The following RAD51B variants were observed in gnomAD, a reference collection of about 807,000 sequenced individuals.
RAD51B encodes the protein DNA repair protein RAD51 homolog 2.
In RAD51B, 38 loss-of-function variants were observed where a neutral mutation model predicts 42.2. That is an observed-to-expected ratio of 0.90 (90% CI 0.70 to 1.18). The LOEUF (loss-of-function observed/expected upper bound fraction) is 1.18. Among genes scored for constraint, RAD51B ranks in the 50% most tolerant of loss-of-function variants. The probability of loss-of-function intolerance (pLI) is 0.00; values close to 1 mark genes in which losing one functional copy is unlikely to be tolerated. For missense variants in RAD51B, 373 were observed against 400.7 expected, an observed-to-expected ratio of 0.93 and a Z score of 0.59; for synonymous variants, 154 against 145.2, an observed-to-expected ratio of 1.06 and a Z score of -0.43.
At chr14:68,648,032 T>TAC (rs1892601236) in intron 10 of RAD51B, among the ~76,000 whole-genome samples, 1 of 107,674 alleles carries the variant, frequency 9.3e-6, no homozygotes, top group African/African-American at 3.6e-5. Context: ...CGTATATATA[T>TAC]ATATACACAC....
intron 9 of RAD51B, among the ~76,000 whole-genome samples, chr14:68,464,044 AT>A (rs2085913670): frequency 6.6e-6 from 1 of 152,228 alleles, no homozygotes; most frequent in Non-Finnish European, 1.5e-5. Flanking sequence ...ATAATGAATC[AT>A]TGGTGCTCTG....
intron 7 of RAD51B, among the ~76,000 whole-genome samples, chr14:68,066,216 G>A (rs780069711): frequency 1.4e-4 from 21 of 151,958 alleles, no homozygotes; most frequent in Non-Finnish European, 2.6e-4. Context: ...AATTAAATAA[G>A]GCAGGATAAT....
At chr14:68,166,652 AATTC>A (rs1255617764) in intron 7 of RAD51B, among the ~76,000 whole-genome samples, 2 of 152,162 alleles carry the variant, frequency 1.3e-5, no homozygotes, top group Non-Finnish European at 2.9e-5. Flanking sequence ...AGTGCTGTTG[AATTC>A]ATCATTCCCA....
At chr14:67,833,742 C>T (rs2041135591) in intron 3 of RAD51B, among the ~76,000 whole-genome samples, 3 of 152,188 alleles carry the variant, frequency 2.0e-5, no homozygotes, top group Admixed American at 2.0e-4. Flanking sequence ...CCAGGGGTAA[C>T]TGAAACATGG....
chr14:68,386,293 C>G (rs1215098220), intron 8 of RAD51B, among the ~76,000 whole-genome samples: 2 of 152,148 alleles, frequency 1.3e-5, no homozygotes, highest in African/African-American at 4.8e-5. Flanking sequence ...CCTGCTTACC[C>G]CTCTCAACCA....
At chr14:68,211,163 G>T (rs982072079) in intron 7 of RAD51B, among the ~76,000 whole-genome samples, 3 of 152,134 alleles carry the variant, frequency 2.0e-5, no homozygotes, top group Non-Finnish European at 4.4e-5. Flanking sequence ...TCCTAGGTAG[G>T]CATGTCTAAA....
At position 67,885,956 on chromosome 14, in the gene RAD51B, T is replaced by A. The variant is rs776750514; in HGVS notation, c.540T>A (p.Tyr180Ter). The A allele has an allele frequency of 2.5e-6, 4 of 1,607,134 alleles. No individual in the cohort carries two copies. In the South Asian group the frequency reaches 4.4e-5, roughly 18 times the overall value. ...TGACAAGTAGTAAAGTTCATCTTTA[T>A]CGGGAACTCACCTGTGATGAAGTTC... is the stretch of plus-strand genomic sequence containing the variant. ...LLLTSSKVHLYRELTCDEVLQ... is the reference protein window; with the variant it reads ...LLLTSSKVHL The change falls in exon 6 of 11, where the codon TAT becomes TAA. Residue 180 changes from tyrosine (Y) to a stop codon, truncating the protein, a stop_gained. Transcript: ENST00000471583. LOFTEE classifies it high-confidence loss of function.
intron 7 of RAD51B, among the ~76,000 whole-genome samples, chr14:68,030,558 G>A (rs2076025791): frequency 6.6e-6 from 1 of 152,160 alleles, no homozygotes; most frequent in African/African-American, 2.4e-5. Flanking sequence ...AGACAGTTAT[G>A]GACTTGCTCT....
At chr14:68,254,314 T>TG (rs926808804) in intron 7 of RAD51B, among the ~76,000 whole-genome samples, 1 of 152,216 alleles carries the variant, frequency 6.6e-6, no homozygotes, top group Non-Finnish European at 1.5e-5. Flanking sequence ...GGGAGGTTCT[T>TG]GTCCTAGTTA....
rs147937442 is a variant in RAD51B at position 68,565,098 on chromosome 14, T to TACAC, written c.1037-29376_1037-29373dup. On this transcript the variant is annotated intron_variant, in intron 10 of 10. Transcript: ENST00000487270. The surrounding 1 kb of genome is among the most constrained non-coding windows in gnomAD (Gnocchi z 4.1). ...GACAGGAAAAATACACACACACACA[T>TACAC]ACACACACACACACCCCACATGCAC... 6.6e-6 allele frequency among the ~76,000 whole-genome samples: 1 copy of TACAC among 151,576 alleles called. No individual in the cohort carries two copies. The highest frequency in any genetic ancestry group is 1.9e-4 in the East Asian group (1 of 5,176).
chr14:68,468,955 A>T (rs2086053722), intron 10 of RAD51B: 5 of 283,008 alleles, frequency 1.8e-5, no homozygotes, highest in South Asian at 1.7e-4. Flanking sequence ...GTCTTTCCAG[A>T]AAGCAATTAA....
At chr14:67,923,527 G>A (rs969207675) in intron 7 of RAD51B, among the ~76,000 whole-genome samples, 12 of 151,996 alleles carry the variant, frequency 7.9e-5, no homozygotes, top group Admixed American at 5.2e-4. Flanking sequence ...TTGAACTCCC[G>A]ACCTCAGGTG....
chr14:68,330,547 C>T (rs1305316760), intron 8 of RAD51B, among the ~76,000 whole-genome samples: 1 of 152,072 alleles, frequency 6.6e-6, no homozygotes, highest in Non-Finnish European at 1.5e-5. Context: ...AGTGTGGAAC[C>T]ACTTGCTGTA....
intron 7 of RAD51B, among the ~76,000 whole-genome samples, chr14:68,210,584 A>C (rs1332465617): frequency 6.6e-6 from 1 of 152,186 alleles, no homozygotes; most frequent in Admixed American, 6.5e-5. Flanking sequence ...TGAATTCTGC[A>C]TGAGCTCTAG....
At chr14:68,633,249 G>A (rs1026925388) in intron 10 of RAD51B, among the ~76,000 whole-genome samples, 115 of 152,096 alleles carry the variant, frequency 7.6e-4, no homozygotes, top group Non-Finnish European at 3.5e-4. Context: ...GCTGTGCCCA[G>A]AGTCCACTTG....
intron 8 of RAD51B, among the ~76,000 whole-genome samples, chr14:68,359,210 G>A (rs544549967): frequency 1.4e-4 from 22 of 152,000 alleles, no homozygotes; most frequent in Middle Eastern, 3.2e-3. Context: ...AGACCTGTCC[G>A]AGGGTGGGGA....
chr14:68,022,987 CT>C (rs1168064285), intron 7 of RAD51B, among the ~76,000 whole-genome samples: 1 of 152,142 alleles, frequency 6.6e-6, no homozygotes, highest in Non-Finnish European at 1.5e-5. Context: ...TGATCTCATT[CT>C]TTTTTATGGC....
intron 7 of RAD51B, among the ~76,000 whole-genome samples, chr14:68,276,865 T>C (rs1026951127): frequency 7.3e-5 from 11 of 151,554 alleles, no homozygotes; most frequent in Non-Finnish European, 1.3e-4. Flanking sequence ...CAGTGGTGGA[T>C]GGCACAGGGA....
intron 11 of RAD51B, among the ~76,000 whole-genome samples, chr14:68,659,881 A>T (rs1234330825): frequency 6.6e-6 from 1 of 152,238 alleles, no homozygotes; most frequent in African/African-American, 2.4e-5. Flanking sequence ...AGAGATGCTG[A>T]CACCTGCAAT....
Sources: gnomAD v4.1 joint callset for allele counts (sites outside exome capture counted in the v4.1 genomes callset) on GRCh38, gnomAD v4.1.1 for gene constraint, Gnocchi (gnomAD v3.1) non-coding constraint, MANE v1.5 for transcripts, NCBI Gene and HGNC (gene_info 2026-07-23, HGNC 2026-07-21) for gene names.